Variants in SCN3A observed in about 807,000 individuals in gnomAD.
The protein encoded by SCN3A is sodium voltage-gated channel alpha subunit 3.
A neutral mutation model predicts 187.6 loss-of-function variants in SCN3A; 60 were observed. The ratio of observed to expected loss-of-function variants is 0.32; its 90% CI spans 0.26 to 0.40. SCN3A has a LOEUF of 0.40. SCN3A is among the 10% of genes least tolerant of loss of function. SCN3A has a pLI of 1.00. For missense variants in SCN3A, 1,601 were observed against 2,428.2 expected, an observed-to-expected ratio of 0.66 and a Z score of 7.16; for synonymous variants, 788 against 829.2, an observed-to-expected ratio of 0.95 and a Z score of 0.85.
intron 2 of SCN3A, among the ~76,000 whole-genome samples, chr2:165,177,652 C>T (rs529682484): frequency 3.9e-5 from 6 of 152,222 alleles, no homozygotes; most frequent in Non-Finnish European, 7.3e-5. Context: ...CACACTCACA[C>T]ATGCCGATCA....
At chr2:165,122,001 G>A (rs1012618361) in intron 18 of SCN3A, among the ~76,000 whole-genome samples, 7 of 151,796 alleles carry the variant, frequency 4.6e-5, no homozygotes, top group Non-Finnish European at 8.8e-5. Flanking sequence ...ATAACAAATG[G>A]GTACACTAGG....
In SCN3A at chr2:165,116,943, A is replaced by ATTTT. The variant is rs11395597; in HGVS notation, c.3394-1372_3394-1369dup. Among the ~76,000 whole-genome samples, 713 of 118,160 alleles carry ATTTT rather than the reference A, an allele frequency of 6.0e-3. 14 individuals carry two copies. Among genetic ancestry groups the ATTTT allele is most frequent in the African/African-American group, 0.016 (504 of 30,942 alleles). The allele number at this position is 118,160 out of a possible 152,430, so 77.5% of individuals were successfully genotyped here. Reference sequence around the variant, plus strand: ...TAGTTCTTAGGGTCATGATAGCACAATTTTTTTTTTTTTTTTTTTTTTTAC... The same window carrying ATTTT: ...TAGTTCTTAGGGTCATGATAGCACAATTTTTTTTTTTTTTTTTTTTTTTTTTTAC... On this transcript the variant is annotated intron_variant, in intron 18 of 27. Coordinates refer to ENST00000283254, the MANE Select transcript of SCN3A (RefSeq NM_006922.4).
chr2:165,148,798 A>C (rs951427295), intron 11 of SCN3A, among the ~76,000 whole-genome samples: 2 of 152,118 alleles, frequency 1.3e-5, no homozygotes, highest in Non-Finnish European at 2.9e-5. Flanking sequence ...TTTTAATGGA[A>C]TTATTGATCA....
At chr2:165,197,597 T>C (rs2105988657) in intron 1 of SCN3A, among the ~76,000 whole-genome samples, 1 of 151,904 alleles carries the variant, frequency 6.6e-6, no homozygotes, top group East Asian at 1.9e-4. Context: ...TTTTTTTTTT[T>C]TCTCCTGACA....
At chr2:165,131,533 T>A in intron 15 of SCN3A, 116 bp from the exon 16 acceptor site, 4 of 541,936 alleles carry the variant, frequency 7.4e-6, no homozygotes, top group Non-Finnish European at 1.2e-5. Flanking sequence ...AGTGAGAGAA[T>A]GTGACAAATC....
At position 165,092,166 on chromosome 2, in the gene SCN3A, A is replaced by G. The variant is rs900952612; in HGVS notation, c.4807+88T>C. 2.4e-6 allele frequency: 3 copies of G among 1,268,884 alleles called. No homozygotes were observed. The African/African-American group carries it at 4.4e-5, about 19-fold the overall frequency. The allele number at this position is 1,268,884 out of a possible 1,614,324, so 78.6% of individuals were successfully genotyped here. A position where few individuals can be genotyped will look rare whatever the true frequency, so the allele number is the denominator to read the frequency against. ...TACATCTATATGCATTATTATTCTC[A>G]GACCTAATTTCCATGTTAATCAGCT... On this transcript the variant is annotated intron_variant, in intron 27 of 27. Transcript: ENST00000283254. The surrounding 1 kb of genome is among the most constrained non-coding windows in gnomAD (Gnocchi z 4.2).
At chr2:165,096,028 A>G (rs1230745361) in intron 24 of SCN3A, among the ~76,000 whole-genome samples, 2 of 152,192 alleles carry the variant, frequency 1.3e-5, no homozygotes, top group Non-Finnish European at 2.9e-5. Flanking sequence ...TCTAAGAGGA[A>G]AATTCAGCAC....
intron 1 of SCN3A, 148 bp from the exon 2 acceptor site, chr2:165,186,895 C>T (rs543367888): frequency 1.3e-5 from 2 of 152,204 alleles, no homozygotes; most frequent in South Asian, 2.1e-4. Flanking sequence ...GATATTTGAC[C>T]CTTGTTAAAA....
chr2:165,170,589 G>A (rs778307036), intron 3 of SCN3A, 41 bp from the exon 4 acceptor site: 18 of 1,194,412 alleles, frequency 1.5e-5, no homozygotes, highest in Non-Finnish European at 2.3e-5. Flanking sequence ...AATTAGACAT[G>A]GGCTTATTTA....
At position 165,193,167 on chromosome 2, in the gene SCN3A, A is replaced by G. The variant is rs115360390; in HGVS notation, c.-247-6420T>C. Reference sequence around the variant, plus strand: ...TTCCCTACTCCATCACTCTCCTCCAAGGGATCAAACCCATGAACAAATGCA... The same window carrying G: ...TTCCCTACTCCATCACTCTCCTCCAGGGGATCAAACCCATGAACAAATGCA... On this transcript the variant is annotated intron_variant, in intron 1 of 27. Coordinates refer to ENST00000283254, the MANE Select transcript of SCN3A (RefSeq NM_006922.4). Among the ~76,000 whole-genome samples, 1,128 of 152,214 alleles carry G rather than the reference A, an allele frequency of 7.4e-3. 20 individuals are homozygous for G. Among genetic ancestry groups the G allele is most frequent in the African/African-American group, 0.026 (1,087 of 41,526 alleles).
At chr2:165,160,511 A>G (rs1290128563) in intron 9 of SCN3A, among the ~76,000 whole-genome samples, 1 of 152,226 alleles carries the variant, frequency 6.6e-6, no homozygotes, top group East Asian at 1.9e-4. Context: ...TAATAGGAAT[A>G]AAGTATGTAT....
chr2:165,130,144 C>G lies in SCN3A; in HGVS notation c.2718G>C (p.Lys906Asn). The G allele has an allele frequency of 6.2e-7, 1 of 1,614,146 alleles. No individual in the cohort carries two copies. Among genetic ancestry groups the G allele is most frequent in the Non-Finnish European group, 8.5e-7 (1 of 1,180,024 alleles). ...TCTTGCAGACACATTCTTTGTAGCTCTTACCAAAGAGCTGCATGCCGACCA... is the reference window on the plus strand; with the variant it reads ...TCTTGCAGACACATTCTTTGTAGCTGTTACCAAAGAGCTGCATGCCGACCA... ...FAVVGMQLFG[K>N]SYKECVCKIN... is the part of the protein sequence containing the mutation. The change falls in exon 17 of 28, where the codon AAG (lysine) becomes AAC (asparagine). Residue 906 changes from lysine to asparagine, a missense_variant. Lys to Asn is a moderately conservative substitution (Grantham distance 94). Coordinates refer to ENST00000283254, the MANE Select transcript of SCN3A (RefSeq NM_006922.4).
intron 23 of SCN3A, 149 bp from the exon 24 acceptor site, chr2:165,096,669 G>C: frequency 3.4e-6 from 2 of 593,428 alleles, no homozygotes; most frequent in Non-Finnish European, 6.0e-6. Context: ...AATTGAAATA[G>C]AAAAACATTT....
Position 165,127,881 on chromosome 2 carries a change from C to T in SCN3A, c.3143G>A (p.Cys1048Tyr). ...TTCAATTCCAGTATTATTGGACATG[C>T]AGCTGTCTATCTTATTGCCTTCATG... Reference protein sequence around the residue: ...EIHEGNKIDSCMSNNTGIEIS... With the variant: ...EIHEGNKIDSYMSNNTGIEIS... The change falls in exon 18 of 28, where the codon TGC becomes TAC. Residue 1048 changes from cysteine to tyrosine, a missense_variant. Physicochemically the swap from Cys to Tyr is radical, Grantham distance 194. This residue lies in a region of SCN3A where 267 missense variants were observed against 313.2 expected (regional missense o/e 0.85). Transcript: ENST00000283254. 6.2e-7 allele frequency: 1 copy of T among 1,614,094 alleles called. No homozygotes were observed. The highest frequency in any genetic ancestry group is 1.1e-5 in the South Asian group (1 of 91,082).
At chr2:165,172,866 A>G (rs1277582406) in intron 3 of SCN3A, among the ~76,000 whole-genome samples, 1 of 152,192 alleles carries the variant, frequency 6.6e-6, no homozygotes, top group Non-Finnish European at 1.5e-5. Context: ...ACAATACCTG[A>G]CACAAAGAGA....
rs1262891800 is a variant in SCN3A, at chr2:165,113,920, C to T, written c.3565G>A (p.Gly1189Arg). The change falls in exon 20 of 28, where the codon GGG (glycine) becomes AGG (arginine). Residue 1189 changes from glycine (G) to arginine (R), a missense_variant. By Grantham distance (125) the Gly-to-Arg change is moderately radical. Around this residue, in one of 11 missense-constraint regions of SCN3A, gnomAD observed 267 missense variants for 313.2 expected, o/e 0.85. Coordinates refer to ENST00000283254, the MANE Select transcript of SCN3A (RefSeq NM_006922.4). Reference protein sequence around the residue: ...FCQVSTEEGKGKIWWNLRKTC... With the variant: ...FCQVSTEEGKRKIWWNLRKTC... ...TTTCGAAGATTCCACCAGATCTTCC[C>T]TTTGCCTTCTTCTGTACTTACTTGA... 6.2e-7 allele frequency: 1 copy of T among 1,612,804 alleles called. No individual in the cohort carries two copies. The highest frequency in any genetic ancestry group is 1.3e-5 in the African/African-American group (1 of 74,984).
At chr2:165,097,833 A>G (rs1236648079) in intron 22 of SCN3A, among the ~76,000 whole-genome samples, 1 of 152,252 alleles carries the variant, frequency 6.6e-6, no homozygotes, top group Non-Finnish European at 1.5e-5. Context: ...AAGATGCATT[A>G]AATGCCAACA....
intron 15 of SCN3A, among the ~76,000 whole-genome samples, chr2:165,134,350 G>A (rs569312042): frequency 2.2e-4 from 33 of 152,324 alleles, no homozygotes; most frequent in African/African-American, 7.9e-4. Context: ...GTTTATGACT[G>A]TAAAGTCAAG....
chr2:165,180,303 C>G (rs145250107), intron 2 of SCN3A, among the ~76,000 whole-genome samples: 119 of 152,250 alleles, frequency 7.8e-4, no homozygotes, highest in African/African-American at 2.6e-3. Flanking sequence ...GGTCACTTCC[C>G]TGGGGCTGAG....
Sources: allele counts gnomAD v4.1 joint callset (sites outside exome capture counted in the v4.1 genomes callset), GRCh38; gene constraint gnomAD v4.1.1; regional missense constraint gnomAD v4.1.1; non-coding constraint Gnocchi (gnomAD v3.1); transcripts MANE v1.5; gene names NCBI Gene and HGNC (gene_info 2026-07-23, HGNC 2026-07-21).